SYN3: variants seen among roughly 807,000 people sequenced by gnomAD.
SYN3 encodes synapsin-3.
SYN3 carries 35 observed loss-of-function variants against 65.8 expected under a neutral mutation model. That is an observed-to-expected ratio of 0.53 (90% CI 0.41 to 0.70). The LOEUF (loss-of-function observed/expected upper bound fraction) is 0.70. SYN3 is among the 30% of genes least tolerant of loss of function. The pLI is 0.00. For synonymous variants in SYN3, 270 were observed against 292.9 expected, an observed-to-expected ratio of 0.92 and a Z score of 0.80; for missense variants, 680 against 749.0, an observed-to-expected ratio of 0.91 and a Z score of 1.08.
At chr22:32,697,776 T>TC (rs1385971998) in intron 6 of SYN3, among the ~76,000 whole-genome samples, 1 of 152,242 alleles carries the variant, frequency 6.6e-6, no homozygotes, top group Non-Finnish European at 1.5e-5. Flanking sequence ...CGTATATTTT[T>TC]CTAGTTCTTG....
chr22:32,836,884 C>A (rs2047746827), intron 6 of SYN3, among the ~76,000 whole-genome samples: 1 of 152,220 alleles, frequency 6.6e-6, no homozygotes, highest in Admixed American at 6.5e-5. Flanking sequence ...AATCCATAGA[C>A]AGAGCAGCCA....
intron 4 of SYN3, among the ~76,000 whole-genome samples, chr22:32,921,410 G>C (rs1437162533): frequency 1.3e-5 from 2 of 152,186 alleles, no homozygotes; most frequent in Non-Finnish European, 2.9e-5. Flanking sequence ...ACTGTACCCT[G>C]AATGAGCTGT....
intron 6 of SYN3, among the ~76,000 whole-genome samples, chr22:32,722,342 A>G (rs1205171652): frequency 6.6e-6 from 1 of 152,158 alleles, no homozygotes; most frequent in African/African-American, 2.4e-5. Context: ...TGGAGAAAAG[A>G]CAGCAGAGTC....
intron 6 of SYN3, among the ~76,000 whole-genome samples, chr22:32,618,389 C>T (rs747845510): frequency 6.7e-4 from 102 of 152,216 alleles, no homozygotes; most frequent in Middle Eastern, 3.4e-3. Flanking sequence ...ACAAACAAAC[C>T]GGGCACAAGG....
chr22:32,581,557 C>T (rs1028224500), intron 7 of SYN3, among the ~76,000 whole-genome samples: 2 of 152,148 alleles, frequency 1.3e-5, no homozygotes, highest in Non-Finnish European at 2.9e-5. Flanking sequence ...GCTCAATGGT[C>T]CCCTATACAG....
At chr22:32,970,623 G>A (rs1043874566) in intron 3 of SYN3, among the ~76,000 whole-genome samples, 2 of 151,920 alleles carry the variant, frequency 1.3e-5, no homozygotes, top group African/African-American at 4.8e-5. Context: ...GCCCTTGGGG[G>A]AAAACAATGA....
intron 6 of SYN3, among the ~76,000 whole-genome samples, chr22:32,790,513 C>T (rs545750930): frequency 6.6e-6 from 1 of 152,014 alleles, no homozygotes; most frequent in South Asian, 2.1e-4. Flanking sequence ...GCAACCTCCA[C>T]CTCCTGGGTT....
intron 1 of SYN3, among the ~76,000 whole-genome samples, chr22:33,056,776 TG>T (rs2054260291): frequency 6.6e-6 from 1 of 152,210 alleles, no homozygotes. Flanking sequence ...ATGGCTAAAG[TG>T]ACTTTCTGGT....
chr22:32,876,553 T>G (rs1160662416), intron 4 of SYN3, among the ~76,000 whole-genome samples: 1 of 151,320 alleles, frequency 6.6e-6, no homozygotes, highest in African/African-American at 2.4e-5. Flanking sequence ...AAATGGGAAC[T>G]ATTACATTCT....
intron 6 of SYN3, among the ~76,000 whole-genome samples, chr22:32,678,973 A>AT (rs1479035266): frequency 2.7e-5 from 4 of 146,266 alleles, no homozygotes; most frequent in Admixed American, 6.8e-5. Context: ...AAATATCAGG[A>AT]TTTTTTCTTT....
chr22:32,811,972 T>G (rs1454960548), intron 6 of SYN3, among the ~76,000 whole-genome samples: 1 of 152,196 alleles, frequency 6.6e-6, no homozygotes, highest in African/African-American at 2.4e-5. Context: ...CCCTATCCAC[T>G]GCCAGGGCTA....
intron 4 of SYN3, among the ~76,000 whole-genome samples, chr22:32,927,740 C>G (rs566250533): frequency 6.6e-6 from 1 of 152,274 alleles, no homozygotes; most frequent in Non-Finnish European, 1.5e-5. Flanking sequence ...AATCTTGCAG[C>G]TCTACGTTAA....
rs563992618 is a variant in SYN3, at chr22:32,603,287, C to T, written c.712-6551G>A. Among the ~76,000 whole-genome samples the T allele has an allele frequency of 1.1e-3, 169 of 150,028 alleles. 2 individuals are homozygous for T. The South Asian group carries it at 0.034, about 30-fold the overall frequency. Reference sequence around the variant, plus strand: ...CAGCACTTTGGCAGGCCAAGGCGGGCGGATCACAAGGTCAGGAGATGGAGA... The same window carrying T: ...CAGCACTTTGGCAGGCCAAGGCGGGTGGATCACAAGGTCAGGAGATGGAGA... On this transcript the variant is annotated intron_variant, in intron 6 of 13. Transcript: ENST00000358763.
At chr22:32,584,371 T>C (rs879374091) in intron 7 of SYN3, among the ~76,000 whole-genome samples, 1 of 152,192 alleles carries the variant, frequency 6.6e-6, no homozygotes, top group Non-Finnish European at 1.5e-5. Flanking sequence ...AAGGAGCTTT[T>C]GGTGATTGGA....
intron 7 of SYN3, among the ~76,000 whole-genome samples, chr22:32,590,758 C>T (rs893838721): frequency 6.6e-6 from 1 of 152,138 alleles, no homozygotes; most frequent in African/African-American, 2.4e-5. Context: ...TTTGCATTTC[C>T]CTGATGACTA....
At chr22:33,021,934 T>C (rs964489415) in intron 1 of SYN3, among the ~76,000 whole-genome samples, 34 of 152,182 alleles carry the variant, frequency 2.2e-4, no homozygotes, top group African/African-American at 8.0e-4. Context: ...GTTCAATATA[T>C]ATTTGTTAAG....
intron 2 of SYN3, among the ~76,000 whole-genome samples, chr22:32,987,135 A>G (rs2052551074): frequency 6.6e-6 from 1 of 152,132 alleles, no homozygotes; most frequent in South Asian, 2.1e-4. Context: ...CCAAGGAAGG[A>G]GAGGTCAGGA....
At chr22:32,736,841 G>A (rs551282340) in intron 6 of SYN3, among the ~76,000 whole-genome samples, 5 of 152,140 alleles carry the variant, frequency 3.3e-5, no homozygotes, top group Middle Eastern at 6.8e-3. Context: ...CCTTTAAAAC[G>A]GGCCTAAAGA....
chr22:32,652,507 C>G (rs1245251079), intron 6 of SYN3, among the ~76,000 whole-genome samples: 1 of 151,106 alleles, frequency 6.6e-6, no homozygotes, highest in African/African-American at 2.4e-5. Flanking sequence ...TTTGAGGTAA[C>G]AAAGTTGTGA....
Sources: allele counts gnomAD v4.1 joint callset (sites outside exome capture counted in the v4.1 genomes callset), GRCh38; gene constraint gnomAD v4.1.1; transcripts MANE v1.5; gene names NCBI Gene and HGNC (gene_info 2026-07-23, HGNC 2026-07-21).